TGFB3: variants seen among roughly 807,000 people sequenced by gnomAD.
TGFB3 encodes the protein transforming growth factor beta 3, also known as transforming growth factor beta-3 proprotein.
A neutral mutation model predicts 40.1 loss-of-function variants in TGFB3; 5 were observed. The ratio of observed to expected loss-of-function variants is 0.12; its 90% confidence interval spans 0.07 to 0.26. The LOEUF is 0.26. Among genes scored for constraint, TGFB3 ranks in the 10% least tolerant of loss-of-function variants. TGFB3 has a pLI of 1.00. For synonymous variants in TGFB3, 184 were observed against 205.6 expected (o/e 0.89, Z 0.90); for missense variants, 373 against 530.1 (o/e 0.70, Z 2.91).
intron 3 of TGFB3, among the ~76,000 whole-genome samples, chr14:75,967,555 G>A (rs1405180246): frequency 1.3e-5 from 2 of 152,200 alleles, no homozygotes; most frequent in East Asian, 1.9e-4. Flanking sequence ...ATGATTCTGT[G>A]AGTTAGAAAG....
At chr14:75,982,488 C>A (rs2035448244), upstream of TGFB3, among the ~76,000 whole-genome samples, 1 of 152,226 alleles carries the variant, frequency 6.6e-6, no homozygotes, top group Non-Finnish European at 1.5e-5. The surrounding 1 kb of genome is among the most constrained non-coding windows in gnomAD (Gnocchi z 4.0). Flanking sequence ...GGCGTCCGCT[C>A]CGCGGCGATC....
chr14:75,960,038 G>A (rs2035136443), intron 6 of TGFB3, among the ~76,000 whole-genome samples: 2 of 147,764 alleles, frequency 1.4e-5, no homozygotes, highest in African/African-American at 5.1e-5. Context: ...CGCCTCCTGG[G>A]TTCAAGCGAT....
intron 3 of TGFB3, chr14:75,966,240 A>T (rs2035219962): frequency 5.7e-6 from 1 of 175,876 alleles, no homozygotes; most frequent in South Asian, 1.3e-4. Context: ...TAATGCTGGC[A>T]AAAAGATTCA....
rs779897294 is a variant in TGFB3, at chr14:75,971,146, C to A, written c.626G>T (p.Arg209Leu). Residue 209 changes from arginine (R) to leucine (L), a missense_variant, in exon 3 of 7, where the codon CGT (arginine) becomes CTT (leucine). By Grantham distance (102) the Arg-to-Leu change is moderately radical (BLOSUM62 -2). Coordinates refer to ENST00000238682, the MANE Select transcript of TGFB3 (RefSeq NM_003239.5). This position sits in a 1 kb window ranked among gnomAD's most constrained non-coding sequence, Gnocchi z 4.5. ...CCTACCTCTTCTCAACAGCCACTCACGCACAGTGTCAGTGACATCAAAGGA... is the reference window on the plus strand; with the variant it reads ...CCTACCTCTTCTCAACAGCCACTCAAGCACAGTGTCAGTGACATCAAAGGA... ...WLSFDVTDTV[R>L]EWLLRRESNL... 1.2e-6 allele frequency: 2 copies of A among 1,614,104 alleles called. No homozygotes were observed. Among genetic ancestry groups the A allele is most frequent in the South Asian group, 2.2e-5 (2 of 91,080 alleles).
At chr14:75,968,976 G>A (rs139247774) in intron 3 of TGFB3, among the ~76,000 whole-genome samples, 71 of 152,296 alleles carry the variant, frequency 4.7e-4, no homozygotes, top group African/African-American at 1.6e-3. Flanking sequence ...GGTGGGGGCT[G>A]CGGGGACTGA....
At chr14:75,982,515 T>G (rs1157583531), upstream of TGFB3, among the ~76,000 whole-genome samples, 1 of 152,158 alleles carries the variant, frequency 6.6e-6, no homozygotes, top group Admixed American at 6.5e-5. This position sits in a 1 kb window ranked among gnomAD's most constrained non-coding sequence, Gnocchi z 4.0. Flanking sequence ...CGATTCTTCA[T>G]TGACAAGATC....
intron 5 of TGFB3, chr14:75,963,075 T>G: frequency 1.7e-6 from 1 of 599,072 alleles, no homozygotes; most frequent in Non-Finnish European, 3.0e-6. Flanking sequence ...AGAGTTTTCC[T>G]CATTTACTTC....
Position 75,981,036 on chromosome 14 carries a change from A to C in TGFB3, c.-143T>G. The stretch of plus-strand genomic sequence containing the variant: ...GCTTGGCAAGAAGGTGCATGAACTC[A>C]CTGCACTGCGAGAGCTTCAGGACTT... On this transcript the variant is annotated 5_prime_UTR_variant, in exon 1 of 7. Transcript: ENST00000238682. This position sits in a 1 kb window ranked among gnomAD's most constrained non-coding sequence, Gnocchi z 4.7. The C allele has an allele frequency of 1.3e-6, 1 of 750,470 alleles. No homozygotes were observed. Among genetic ancestry groups the C allele is most frequent in the East Asian group, 2.6e-5 (1 of 37,802 alleles). The allele number at this position is 750,470 out of a possible 1,614,324, so 46.5% of individuals were successfully genotyped here. A position where few individuals can be genotyped will look rare whatever the true frequency, so the allele number is the denominator to read the frequency against.
At chr14:75,963,043 T>A in intron 5 of TGFB3, 1 of 554,772 alleles carries the variant, frequency 1.8e-6, no homozygotes, top group Non-Finnish European at 3.2e-6. Flanking sequence ...ATCCAAACTA[T>A]TTTAGCAACA....
chr14:75,980,589 G>A lies in TGFB3; in HGVS notation c.305C>T (p.Ala102Val), dbSNP rs772575568. 6.2e-7 allele frequency: 1 copy of A among 1,614,208 alleles called. No individual in the cohort carries two copies. Among genetic ancestry groups the A allele is most frequent in the Non-Finnish European group, 8.5e-7 (1 of 1,180,048 alleles). Residue 102 changes from alanine to valine, a missense_variant, in exon 1 of 7, where the codon GCC (alanine) becomes GTC (valine). Physicochemically the swap from Ala to Val is moderately conservative, Grantham distance 64. Transcript: ENST00000238682. The surrounding 1 kb of genome is among the most constrained non-coding windows in gnomAD (Gnocchi z 4.3). ...CATGTCGAATTTATGGATTTCTTTGGCATAGTATTCCGACTCGGTGTTTTC... is the reference window on the plus strand; with the variant it reads ...CATGTCGAATTTATGGATTTCTTTGACATAGTATTCCGACTCGGTGTTTTC... ...TQENTESEYY[A>V]KEIHKFDMIQ...
chr14:75,971,377 T>C lies in TGFB3; in HGVS notation c.517-122A>G. ...CAGTGGTTCCTGAATGCCATGGCCCTCGAGCACCTTAGCTAACTCTTAAGT... is the reference window on the plus strand; with the variant it reads ...CAGTGGTTCCTGAATGCCATGGCCCCCGAGCACCTTAGCTAACTCTTAAGT... On this transcript the variant is annotated intron_variant, in intron 2 of 6. Coordinates refer to ENST00000238682, the MANE Select transcript of TGFB3 (RefSeq NM_003239.5). The surrounding 1 kb of genome is among the most constrained non-coding windows in gnomAD (Gnocchi z 4.5). 4.5e-6 allele frequency: 7 copies of C among 1,541,304 alleles called. No individual in the cohort carries two copies. Among genetic ancestry groups the C allele is most frequent in the Non-Finnish European group, 5.3e-6 (6 of 1,128,170 alleles).
Position 75,959,364 on chromosome 14 carries a change from G to A in TGFB3, c.1081-19C>T. ...CCAGCACCTGGGAAGGGACATGTCA[G>A]TGAGAGGTTGGAAGGCCAAGTCTCA... On this transcript the variant is annotated intron_variant, in intron 6 of 6. Transcript: ENST00000238682. 6.2e-7 allele frequency: 1 copy of A among 1,613,770 alleles called. No individual in the cohort carries two copies. The highest frequency in any genetic ancestry group is 1.1e-5 in the South Asian group (1 of 91,068).
At chr14:75,973,435 T>C (rs1035368081) in intron 1 of TGFB3, among the ~76,000 whole-genome samples, 1 of 152,248 alleles carries the variant, frequency 6.6e-6, no homozygotes, top group Non-Finnish European at 1.5e-5. Context: ...TGATTAATAA[T>C]TGGCTTTGAA....
intron 1 of TGFB3, among the ~76,000 whole-genome samples, chr14:75,976,291 C>G (rs2035353111): frequency 6.6e-6 from 1 of 152,194 alleles, no homozygotes; most frequent in Non-Finnish European, 1.5e-5. Flanking sequence ...GCAGTTCTGA[C>G]TACACTGGAG....
intron 3 of TGFB3, 28 bp from the exon 4 acceptor site, chr14:75,965,723 A>G: frequency 6.3e-7 from 1 of 1,582,864 alleles, no homozygotes. Flanking sequence ...ATTAGTGAGA[A>G]AAGCACCTCT....
chr14:75,966,178 G>A (rs111535163), intron 3 of TGFB3: 2 of 193,790 alleles, frequency 1.0e-5, no homozygotes, highest in African/African-American at 2.3e-5. Flanking sequence ...AAGAGTCTCC[G>A]AGCACAGAGA....
chr14:75,970,297 TC>T (rs1566682027), intron 3 of TGFB3, among the ~76,000 whole-genome samples: 1 of 152,050 alleles, frequency 6.6e-6, no homozygotes. Flanking sequence ...CTGGCTCACA[TC>T]TATAATCCCA....
At chr14:75,968,967 G>A (rs2035254098) in intron 3 of TGFB3, among the ~76,000 whole-genome samples, 1 of 152,186 alleles carries the variant, frequency 6.6e-6, no homozygotes, top group Non-Finnish European at 1.5e-5. Flanking sequence ...ATAGGGAATG[G>A]TGGGGGCTGC....
At position 75,979,707 on chromosome 14, in the gene TGFB3, C is replaced by CA. The variant is rs1555361332; in HGVS notation, c.352+834dup. ...GGCTCCCAGACATATCCCCCCCCCC[C>CA]ACCATGCACCCACTGCCACCCCTCC... On this transcript the variant is annotated intron_variant, in intron 1 of 6. Transcript: ENST00000238682. This position sits in a 1 kb window ranked among gnomAD's most constrained non-coding sequence, Gnocchi z 4.8. 7.8e-3 allele frequency among the ~76,000 whole-genome samples: 1,159 copies of CA among 149,344 alleles called. 17 individuals carry two copies. Among genetic ancestry groups the CA allele is most frequent in the African/African-American group, 0.027 (1,077 of 40,120 alleles).
Sources: gnomAD v4.1 joint callset for allele counts (sites outside exome capture counted in the v4.1 genomes callset) on GRCh38, gnomAD v4.1.1 for gene constraint, Gnocchi (gnomAD v3.1) non-coding constraint, MANE v1.5 for transcripts, NCBI Gene and HGNC (gene_info 2026-07-23, HGNC 2026-07-21) for gene names.